Variants in KCNIP1 observed in about 807,000 individuals in gnomAD.
KCNIP1 encodes A-type potassium channel modulatory protein KCNIP1.
Under a neutral mutation model 33.0 loss-of-function variants are expected in KCNIP1, and 18 were observed. That is an observed-to-expected ratio of 0.55 (90% CI 0.38 to 0.81). The LOEUF is 0.81. Ranked by LOEUF, KCNIP1 falls within the 30% of genes least tolerant of loss-of-function variation. The probability of loss-of-function intolerance (pLI) is 0.00; values close to 1 mark genes in which losing one functional copy is unlikely to be tolerated. For missense variants in KCNIP1, 238 were observed against 271.6 expected, an observed-to-expected ratio of 0.88 and a Z score of 0.87; for synonymous variants, 93 against 98.3, an observed-to-expected ratio of 0.95 and a Z score of 0.32.
At chr5:170,623,369 A>G (rs28649399) in intron 1 of KCNIP1, among the ~76,000 whole-genome samples, 59,587 of 151,522 alleles carry the variant, frequency 0.39, 12,111 homozygotes, top group East Asian at 0.61. Flanking sequence ...CCGCCACCAT[A>G]CCTGGCTAAT....
chr5:170,359,944 C>T (rs779271399), intron 1 of KCNIP1, among the ~76,000 whole-genome samples: 9 of 152,194 alleles, frequency 5.9e-5, no homozygotes, highest in African/African-American at 2.2e-4. Context: ...GGCCATTTAT[C>T]CTGGCACTGC....
chr5:170,555,128 C>T (rs967929806), intron 1 of KCNIP1, among the ~76,000 whole-genome samples: 1 of 152,178 alleles, frequency 6.6e-6, no homozygotes, highest in Non-Finnish European at 1.5e-5. Context: ...CCTGGTTGCT[C>T]CACCACTAAA....
chr5:170,493,429 A>C (rs556506172), intron 1 of KCNIP1, among the ~76,000 whole-genome samples: 29 of 152,342 alleles, frequency 1.9e-4, no homozygotes, highest in African/African-American at 6.0e-4. Context: ...CCATCCCTGG[A>C]GATCTTTAGG....
At chr5:170,413,229 G>A (rs573807679) in intron 1 of KCNIP1, among the ~76,000 whole-genome samples, 13 of 152,206 alleles carry the variant, frequency 8.5e-5, no homozygotes, top group Non-Finnish European at 1.2e-4. Context: ...GGACTGCGGG[G>A]TCTTGGTAGA....
chr5:170,623,183 G>A lies in KCNIP1; in HGVS notation c.62-95575G>A, dbSNP rs576226590. Among the ~76,000 whole-genome samples, 6 of 151,896 alleles carry A rather than the reference G, an allele frequency of 4.0e-5. No homozygotes were observed. In the South Asian group the frequency reaches 6.3e-4, roughly 16 times the overall value. On this transcript the variant is annotated intron_variant, in intron 1 of 7. Coordinates refer to ENST00000328939, the MANE Select transcript of KCNIP1 (RefSeq NM_014592.4). ...GTCCTAACAGGCCACAGACCCATCC[G>A]TGGCCCAGGGGATTGGCGACCCCTG...
chr5:170,612,944 C>A (rs976667062), intron 1 of KCNIP1, among the ~76,000 whole-genome samples: 16 of 152,172 alleles, frequency 1.1e-4, no homozygotes, highest in African/African-American at 3.6e-4. Flanking sequence ...GTGGCAATAG[C>A]CTCCTGAAGG....
At chr5:170,647,577 A>T (rs1760834898) in intron 1 of KCNIP1, among the ~76,000 whole-genome samples, 1 of 152,082 alleles carries the variant, frequency 6.6e-6, no homozygotes, top group Admixed American at 6.6e-5. Flanking sequence ...CCACATTAAA[A>T]AAAAAAAAGA....
rs553292609 is a variant in KCNIP1 at position 170,613,084 on chromosome 5, A to G, written c.62-105674A>G. Among the ~76,000 whole-genome samples the G allele has an allele frequency of 4.6e-4, 70 of 152,274 alleles. 2 individuals carry two copies. The South Asian group carries it at 0.014, about 31-fold the overall frequency. On this transcript the variant is annotated intron_variant, in intron 1 of 7. Coordinates refer to ENST00000328939, the MANE Select transcript of KCNIP1 (RefSeq NM_014592.4). ...CTGTTGAAGACATCCCCAGAAGCTG[A>G]TCCCTTTGTTCCCAATGCCCTTCCA...
intron 1 of KCNIP1, among the ~76,000 whole-genome samples, chr5:170,461,321 A>C (rs187028515): frequency 2.8e-4 from 43 of 152,344 alleles, no homozygotes; most frequent in Non-Finnish European, 8.8e-5. Flanking sequence ...CTTAAAATTC[A>C]CATGGAAGCA....
intron 1 of KCNIP1, among the ~76,000 whole-genome samples, chr5:170,439,488 G>GT (rs1755939029): frequency 7.8e-6 from 1 of 128,800 alleles, no homozygotes; most frequent in African/African-American, 2.9e-5. Context: ...GGGGACGGGG[G>GT]CGGGGGGGTG....
intron 1 of KCNIP1, among the ~76,000 whole-genome samples, chr5:170,449,919 C>T (rs1186224579): frequency 6.6e-6 from 1 of 152,034 alleles, no homozygotes; most frequent in African/African-American, 2.4e-5. Flanking sequence ...AAGACTCAAA[C>T]CTTCTTGGAA....
At position 170,631,607 on chromosome 5, in the gene KCNIP1, C is replaced by G. The variant is rs571793180; in HGVS notation, c.62-87151C>G. The stretch of plus-strand genomic sequence containing the variant: ...GCTGTCTTCCACAGCACAGAGCCAC[C>G]AGGCCCCAGACTGCTGGCTTATGTA... On this transcript the variant is annotated intron_variant, in intron 1 of 7. Transcript: ENST00000328939. Among the ~76,000 whole-genome samples, 71 of 152,352 alleles carry G rather than the reference C, an allele frequency of 4.7e-4. 1 individual carries two copies. The South Asian group carries it at 0.014, about 30-fold the overall frequency.
chr5:170,474,199 G>T (rs572269306), intron 1 of KCNIP1, among the ~76,000 whole-genome samples: 3 of 152,110 alleles, frequency 2.0e-5, no homozygotes, highest in Non-Finnish European at 4.4e-5. Flanking sequence ...TCTATTACCC[G>T]AGAGGCTTTT....
At chr5:170,649,075 C>T (rs1272827933) in intron 1 of KCNIP1, among the ~76,000 whole-genome samples, 1 of 152,100 alleles carries the variant, frequency 6.6e-6, no homozygotes, top group East Asian at 1.9e-4. Context: ...AATTGGTATA[C>T]CTACTTTGTA....
intron 1 of KCNIP1, among the ~76,000 whole-genome samples, chr5:170,461,054 A>G (rs1163222597): frequency 6.6e-6 from 1 of 152,164 alleles, no homozygotes; most frequent in African/African-American, 2.4e-5. Flanking sequence ...CCTCTTTTAC[A>G]ATAGCTGCAA....
intron 1 of KCNIP1, among the ~76,000 whole-genome samples, chr5:170,697,696 T>C (rs1762946387): frequency 6.6e-6 from 1 of 152,174 alleles, no homozygotes; most frequent in Non-Finnish European, 1.5e-5. Context: ...CGTGAACTTC[T>C]TTCTGACCCT....
chr5:170,652,011 C>G (rs573365686), intron 1 of KCNIP1, among the ~76,000 whole-genome samples: 6 of 152,200 alleles, frequency 3.9e-5, no homozygotes, highest in Admixed American at 1.3e-4. Flanking sequence ...ATTAAACCAC[C>G]AGGAAGTTAC....
chr5:170,612,864 C>G (rs1038204584), intron 1 of KCNIP1, among the ~76,000 whole-genome samples: 3 of 152,178 alleles, frequency 2.0e-5, no homozygotes, highest in African/African-American at 7.2e-5. Context: ...TCCTCACCCC[C>G]TCCCAAGACC....
intron 1 of KCNIP1, among the ~76,000 whole-genome samples, chr5:170,663,018 C>T (rs143112031): frequency 3.3e-3 from 509 of 152,268 alleles, no homozygotes; most frequent in African/African-American, 9.8e-3. Flanking sequence ...CCTGAGGACA[C>T]CTAGGAGAGG....
Sources: gnomAD v4.1 joint callset for allele counts (sites outside exome capture counted in the v4.1 genomes callset) on GRCh38, gnomAD v4.1.1 for gene constraint, MANE v1.5 for transcripts, NCBI Gene and HGNC (gene_info 2026-07-23, HGNC 2026-07-21) for gene names.